Variants in TCAIM observed in about 807,000 individuals in gnomAD.
TCAIM encodes the protein T-cell activation inhibitor, mitochondrial.
In TCAIM, 36 loss-of-function variants were observed where a neutral mutation model predicts 58.6. That is an observed-to-expected ratio of 0.61 (90% CI 0.47 to 0.81). TCAIM has a LOEUF of 0.81. TCAIM is among the 30% of genes least tolerant of loss of function. TCAIM has a pLI of 0.00. For missense variants in TCAIM, 466 were observed against 579.6 expected, an observed-to-expected ratio of 0.80 and a Z score of 2.01; for synonymous variants, 172 against 193.6, an observed-to-expected ratio of 0.89 and a Z score of 0.93.
chr3:44,354,255 A>G (rs138586582), intron 1 of TCAIM, among the ~76,000 whole-genome samples: 5 of 152,260 alleles, frequency 3.3e-5, no homozygotes, highest in African/African-American at 9.6e-5. Context: ...TGGGCTCTCT[A>G]TTCTGTTTCA....
At chr3:44,377,737 A>G (rs1444659295) in intron 5 of TCAIM, among the ~76,000 whole-genome samples, 1 of 152,220 alleles carries the variant, frequency 6.6e-6, no homozygotes, top group African/African-American at 2.4e-5. Context: ...ATTTCACAAA[A>G]TTGTGGAAAT....
At chr3:44,377,835 A>G (rs1404188486) in intron 5 of TCAIM, among the ~76,000 whole-genome samples, 2 of 152,210 alleles carry the variant, frequency 1.3e-5, no homozygotes, top group African/African-American at 4.8e-5. Context: ...TAAAAATAAA[A>G]AGAAATCCCA....
intron 1 of TCAIM, among the ~76,000 whole-genome samples, chr3:44,350,083 CT>C (rs1701056297): frequency 6.6e-6 from 1 of 152,092 alleles, no homozygotes; most frequent in Non-Finnish European, 1.5e-5. Flanking sequence ...GGCAATAAAG[CT>C]TTTTAATCAC....
chr3:44,354,389 C>A (rs1284708607), intron 1 of TCAIM, among the ~76,000 whole-genome samples: 1 of 152,162 alleles, frequency 6.6e-6, no homozygotes, highest in Non-Finnish European at 1.5e-5. Flanking sequence ...GTTGGCTACT[C>A]TCTGGGTCTT....
At chr3:44,367,243 A>G (rs987589604) in intron 4 of TCAIM, among the ~76,000 whole-genome samples, 1 of 152,246 alleles carries the variant, frequency 6.6e-6, no homozygotes, top group African/African-American at 2.4e-5. Context: ...GAGCCAAACT[A>G]GAAAATGGAG....
chr3:44,396,750 A>G lies in TCAIM; in HGVS notation c.801A>G (p.Thr267=). The part of the protein sequence containing the change: ...LETLKKAKGC[T]IIFTDRSGMS... ...TTTGTGTTTTGTCATCAGGGTGTAC[A>G]ATCATATTTACAGACCGTTCTGGCA... Residue 267 remains threonine (T), a synonymous_variant, in exon 8 of 11, where the codon ACA becomes ACG. Coordinates refer to ENST00000342649, the MANE Select transcript of TCAIM (RefSeq NM_173826.4). 1 of 1,613,952 alleles carries G rather than the reference A, an allele frequency of 6.2e-7. No homozygotes were observed. The highest frequency in any genetic ancestry group is 8.5e-7 in the Non-Finnish European group (1 of 1,179,930).
intron 5 of TCAIM, among the ~76,000 whole-genome samples, chr3:44,380,642 A>T (rs1312285491): frequency 1.4e-4 from 22 of 152,076 alleles, no homozygotes. Flanking sequence ...AATAATAAAG[A>T]TTAGAGCAGA....
At chr3:44,358,760 T>G (rs936328505) in intron 3 of TCAIM, 15 of 985,502 alleles carry the variant, frequency 1.5e-5, no homozygotes, top group Non-Finnish European at 1.8e-5. Flanking sequence ...TTGGAATTAC[T>G]TCAGTGTTCC....
intron 5 of TCAIM, among the ~76,000 whole-genome samples, chr3:44,372,007 AGAGAAGGAAG>A (rs1701478831): frequency 7.0e-6 from 1 of 143,526 alleles, no homozygotes; most frequent in African/African-American, 2.6e-5. Flanking sequence ...AGAGAGAAAG[AGAGAAGGAAG>A]GAAGGAAGGA....
chr3:44,399,747 C>T (rs573151959), intron 8 of TCAIM, among the ~76,000 whole-genome samples: 110 of 152,270 alleles, frequency 7.2e-4, no homozygotes, highest in African/African-American at 2.5e-3. Context: ...CCCTTAGAAA[C>T]CTTTGCCTGA....
intron 5 of TCAIM, among the ~76,000 whole-genome samples, chr3:44,372,734 CA>C (rs540718880): frequency 3.0e-4 from 46 of 152,080 alleles, no homozygotes; most frequent in Non-Finnish European, 6.0e-4. Context: ...GCTGGGACTA[CA>C]GGCGCCTGCC....
rs530760241 is a variant in TCAIM at position 44,359,155 on chromosome 3, G to A, written c.165+1279G>A. 1.5e-5 allele frequency: 13 copies of A among 876,138 alleles called. No homozygotes were observed. The South Asian group carries it at 6.8e-4, about 46-fold the overall frequency. The allele number at this position is 876,138 out of a possible 1,614,324, so 54.3% of individuals were successfully genotyped here. ...AGTCCCAGCTACTAGGGAGGCTGAG[G>A]CAGGAGGATTACTTGAGCCCAGGAA... On this transcript the variant is annotated intron_variant, in intron 3 of 10. Transcript: ENST00000342649.
chr3:44,386,386 G>A (rs1701742480), intron 5 of TCAIM, among the ~76,000 whole-genome samples: 1 of 152,216 alleles, frequency 6.6e-6, no homozygotes, highest in Admixed American at 6.5e-5. Flanking sequence ...GCTGCAGCAG[G>A]AGAGACGTGT....
intron 5 of TCAIM, among the ~76,000 whole-genome samples, chr3:44,378,233 T>C (rs1559574285): frequency 6.6e-6 from 1 of 151,380 alleles, no homozygotes; most frequent in Non-Finnish European, 1.5e-5. Context: ...ATACAAAAAT[T>C]AGTTGGGCAT....
In TCAIM at chr3:44,407,861, C is replaced by A; in HGVS notation, c.*179C>A. The A allele has an allele frequency of 1.6e-6, 1 of 631,172 alleles. No homozygotes were observed. The allele number at this position is 631,172 out of a possible 1,614,324, so 39.1% of individuals were successfully genotyped here. A position where few individuals can be genotyped will look rare whatever the true frequency, so the allele number is the denominator to read the frequency against. On this transcript the variant is annotated 3_prime_UTR_variant, in exon 11 of 11. Coordinates refer to ENST00000342649, the MANE Select transcript of TCAIM (RefSeq NM_173826.4). ...GCTAGGAGAGGTTTTATATGCCAGG[C>A]GTGGTGGCTCATGCCTGCGGTCCCA...
chr3:44,383,809 CAAAAAAAA>C (rs71089100), intron 5 of TCAIM, among the ~76,000 whole-genome samples: 82 of 95,390 alleles, frequency 8.6e-4, no homozygotes, highest in South Asian at 2.3e-3. Context: ...CCTGTCTCTA[CAAAAAAAA>C]AAAAAAAAAA....
In TCAIM at chr3:44,401,350, C is replaced by A. The variant is rs1702019708; in HGVS notation, c.1250+16C>A. On this transcript the variant is annotated intron_variant, in intron 10 of 10. Coordinates refer to ENST00000342649, the MANE Select transcript of TCAIM (RefSeq NM_173826.4). ...GAAAGGAAGAGTAAGTACTGCCAGT[C>A]TTCTGTAAAGTCAGATCATTCAGTC... The A allele has an allele frequency of 1.2e-6, 2 of 1,612,912 alleles. No individual in the cohort carries two copies. Among genetic ancestry groups the A allele is most frequent in the Non-Finnish European group, 1.7e-6 (2 of 1,179,566 alleles).
chr3:44,385,389 A>G (rs568146129), intron 5 of TCAIM, among the ~76,000 whole-genome samples: 58 of 152,304 alleles, frequency 3.8e-4, no homozygotes, highest in African/African-American at 1.4e-3. Context: ...ACTTATTTAA[A>G]TTGTTTTAAA....
chr3:44,367,846 A>G, intron 5 of TCAIM, 138 bp downstream of exon 5: 1 of 817,236 alleles, frequency 1.2e-6, no homozygotes. Context: ...TTTTCCAGGA[A>G]AAGTAATACT....
Sources: allele counts gnomAD v4.1 joint callset (sites outside exome capture counted in the v4.1 genomes callset), GRCh38; gene constraint gnomAD v4.1.1; transcripts MANE v1.5; gene names NCBI Gene and HGNC (gene_info 2026-07-23, HGNC 2026-07-21).